Variants in MMP16 observed in about 807,000 individuals in gnomAD.
The protein encoded by MMP16 is matrix metalloproteinase-16.
A neutral mutation model predicts 67.8 loss-of-function variants in MMP16; 12 were observed. That is an observed-to-expected ratio of 0.18 (90% confidence interval 0.11 to 0.29). The LOEUF (loss-of-function observed/expected upper bound fraction) is 0.29, where lower values mean the gene tolerates loss of function less well. MMP16 is among the 10% of genes least tolerant of loss of function. The pLI is 1.00. For synonymous variants in MMP16, 249 were observed against 255.9 expected (o/e 0.97, Z 0.26); for missense variants, 475 against 765.7 (o/e 0.62, Z 4.48).
chr8:88,231,881 T>C (rs1004479891), intron 1 of MMP16, among the ~76,000 whole-genome samples: 1 of 152,226 alleles, frequency 6.6e-6, no homozygotes, highest in Non-Finnish European at 1.5e-5. Context: ...TGTATTTTTA[T>C]GTTATAATCT....
chr8:88,295,086 G>A (rs1318386516), intron 1 of MMP16, among the ~76,000 whole-genome samples: 4 of 152,200 alleles, frequency 2.6e-5, no homozygotes, highest in Admixed American at 2.6e-4. Flanking sequence ...CAAGGGAATA[G>A]TGTTGTAAGT....
intron 1 of MMP16, among the ~76,000 whole-genome samples, chr8:88,325,504 CATT>C (rs1274646359): frequency 6.6e-6 from 1 of 152,174 alleles, no homozygotes; most frequent in Non-Finnish European, 1.5e-5. Context: ...CTGTTTATAA[CATT>C]ATAAATAACA....
intron 3 of MMP16, among the ~76,000 whole-genome samples, chr8:88,169,668 A>G (rs1408359569): frequency 2.0e-5 from 3 of 152,198 alleles, no homozygotes. Flanking sequence ...GTGGAAACAG[A>G]GTGCAGGCAA....
chr8:88,289,035 C>A (rs923197792), intron 1 of MMP16, among the ~76,000 whole-genome samples: 1 of 152,088 alleles, frequency 6.6e-6, no homozygotes. Flanking sequence ...CAGAGGTTCA[C>A]GCCAATACTT....
intron 1 of MMP16, among the ~76,000 whole-genome samples, chr8:88,201,502 C>G (rs1281456053): frequency 6.6e-6 from 1 of 152,046 alleles, no homozygotes; most frequent in Non-Finnish European, 1.5e-5. Flanking sequence ...TAGTAAGAAT[C>G]TCTTCCATTT....
chr8:88,187,215 T>A (rs949478075), intron 2 of MMP16, among the ~76,000 whole-genome samples: 1 of 152,294 alleles, frequency 6.6e-6, no homozygotes, highest in East Asian at 1.9e-4. Context: ...TAAAAAATAT[T>A]TTTCTGAATA....
At chr8:88,171,300 C>T (rs1020776532) in intron 3 of MMP16, among the ~76,000 whole-genome samples, 1 of 152,050 alleles carries the variant, frequency 6.6e-6, no homozygotes, top group African/African-American at 2.4e-5. Context: ...ACGAGTTTAC[C>T]TCCATAACAA....
chr8:88,158,330 C>G (rs1173079676), intron 4 of MMP16, among the ~76,000 whole-genome samples: 1 of 152,132 alleles, frequency 6.6e-6, no homozygotes, highest in Non-Finnish European at 1.5e-5. Flanking sequence ...CTCTCCAGCA[C>G]CTGTTGTTTC....
At chr8:88,242,307 T>C (rs1563571822) in intron 1 of MMP16, among the ~76,000 whole-genome samples, 2 of 152,228 alleles carry the variant, frequency 1.3e-5, no homozygotes, top group Non-Finnish European at 1.5e-5. Flanking sequence ...CTTTGTTTCC[T>C]AACATTTATG....
intron 1 of MMP16, among the ~76,000 whole-genome samples, chr8:88,219,681 T>C (rs28904625): frequency 9.9e-5 from 15 of 152,236 alleles, no homozygotes; most frequent in Non-Finnish European, 1.6e-4. Flanking sequence ...CTTCAAACTA[T>C]GCAAGAGTTA....
intron 9 of MMP16, among the ~76,000 whole-genome samples, chr8:88,045,645 C>T (rs373876554): frequency 1.1e-4 from 16 of 152,246 alleles, no homozygotes; most frequent in Admixed American, 5.2e-4. Context: ...CCCCCACGCC[C>T]TGCCAGTGTA....
intron 4 of MMP16, among the ~76,000 whole-genome samples, chr8:88,166,814 T>G (rs186000239): frequency 8.0e-5 from 12 of 149,644 alleles, no homozygotes; most frequent in Admixed American, 6.1e-4. Flanking sequence ...GCTCAAGGGA[T>G]CCCGTCTTGG....
rs1402469521 is a variant in MMP16 at position 88,038,781 on chromosome 8, TA to T, written c.*2679del. On this transcript the variant is annotated 3_prime_UTR_variant, in exon 10 of 10. Coordinates refer to ENST00000286614, the MANE Select transcript of MMP16 (RefSeq NM_005941.5). The surrounding 1 kb of genome is among the most constrained non-coding windows in gnomAD (Gnocchi z 4.1). ...ATCATCTAGAATGGAAGCACTGAAG[TA>T]AAGCTACAGGGCTGACTCTGGTTCT... The T allele has an allele frequency of 6.6e-6, 1 of 152,608 alleles. No individual in the cohort carries two copies. The highest frequency in any genetic ancestry group is 1.5e-5 in the Non-Finnish European group (1 of 68,020). 9.5% of individuals were successfully genotyped at this position (152,608 alleles called of 1,614,324 possible).
At chr8:88,271,390 C>A (rs1400041930) in intron 1 of MMP16, among the ~76,000 whole-genome samples, 1 of 152,188 alleles carries the variant, frequency 6.6e-6, no homozygotes, top group African/African-American at 2.4e-5. Flanking sequence ...TGGTTTGTTG[C>A]AGAGTATACA....
intron 1 of MMP16, among the ~76,000 whole-genome samples, chr8:88,278,998 C>T (rs1038561760): frequency 6.6e-6 from 1 of 151,862 alleles, no homozygotes; most frequent in Non-Finnish European, 1.5e-5. Flanking sequence ...TTGAGGCAGG[C>T]GGATCATGAG....
intron 3 of MMP16, among the ~76,000 whole-genome samples, chr8:88,171,015 G>A (rs1586187633): frequency 6.6e-6 from 1 of 152,082 alleles, no homozygotes; most frequent in East Asian, 1.9e-4. Flanking sequence ...GATATGTAAT[G>A]GAGAAATTGA....
At chr8:88,180,068 G>A (rs896445710) in intron 3 of MMP16, among the ~76,000 whole-genome samples, 16 of 152,262 alleles carry the variant, frequency 1.1e-4, no homozygotes, top group African/African-American at 2.9e-4. Context: ...GATCACCTGA[G>A]GTTGGGAGTT....
At position 88,118,848 on chromosome 8, in the gene MMP16, A is replaced by C; in HGVS notation, c.723T>G (p.Phe241Leu). The part of the protein sequence containing the change: ...GNPNHDGNDL[F>L]LVAVHELGHA... ...GTCCCAGTTCATGGACTGCTACAAG[A>C]AATAAGTCATTTCCTGTGTGAACAA... Residue 241 changes from phenylalanine to leucine, a missense_variant, in exon 5 of 10, where the codon TTT (phenylalanine) becomes TTG (leucine). By Grantham distance (22) the Phe-to-Leu change is conservative. Coordinates refer to ENST00000286614, the MANE Select transcript of MMP16 (RefSeq NM_005941.5). The C allele has an allele frequency of 6.2e-7, 1 of 1,612,892 alleles. No individual in the cohort carries two copies. The highest frequency in any genetic ancestry group is 8.5e-7 in the Non-Finnish European group (1 of 1,179,394).
At chr8:88,063,608 G>A (rs1350905415) in intron 7 of MMP16, among the ~76,000 whole-genome samples, 1 of 151,630 alleles carries the variant, frequency 6.6e-6, no homozygotes, top group East Asian at 2.0e-4. Flanking sequence ...AGATGTACCG[G>A]ATCAGAAAAG....
Sources: gnomAD v4.1 joint callset for allele counts (sites outside exome capture counted in the v4.1 genomes callset) on GRCh38, gnomAD v4.1.1 for gene constraint, Gnocchi (gnomAD v3.1) non-coding constraint, MANE v1.5 for transcripts, NCBI Gene and HGNC (gene_info 2026-07-23, HGNC 2026-07-21) for gene names.